The following PEAK1 variants were observed in gnomAD, a reference collection of about 807,000 sequenced individuals.
PEAK1 encodes the protein inactive tyrosine-protein kinase PEAK1.
A neutral mutation model predicts 124.7 loss-of-function variants in PEAK1; 54 were observed. That is an observed-to-expected ratio of 0.43 (90% CI 0.35 to 0.54). The LOEUF (loss-of-function observed/expected upper bound fraction) is 0.54, where lower values mean the gene tolerates loss of function less well. Ranked by LOEUF, PEAK1 falls within the 20% of genes least tolerant of loss-of-function variation. The pLI is 0.01. For missense variants in PEAK1, 2,046 were observed against 2,134.5 expected (o/e 0.96, Z 0.82); for synonymous variants, 719 against 760.0 (o/e 0.95, Z 0.89).
Position 77,233,770 on chromosome 15 carries a change from T to C in PEAK1, c.-115+18597A>G, listed in dbSNP as rs144621352. On this transcript the variant is annotated intron_variant, in intron 6 of 9. Transcript: ENST00000682557. ...AACAGTTCCTTCTTATAATTATTAA[T>C]TCAGAGTTTTTACCATTCCTTATTA... Among the ~76,000 whole-genome samples, 1,034 of 152,362 alleles carry C rather than the reference T, an allele frequency of 6.8e-3. 4 individuals carry two copies. The highest frequency in any genetic ancestry group is 0.011 in the Non-Finnish European group (718 of 68,022).
At chr15:77,359,573 A>G (rs2067749657) in intron 2 of PEAK1, among the ~76,000 whole-genome samples, 1 of 152,206 alleles carries the variant, frequency 6.6e-6, no homozygotes, top group Non-Finnish European at 1.5e-5. Flanking sequence ...TAATCTATAA[A>G]CAACTATTAC....
At chr15:77,256,667 A>C (rs1176969577) in intron 5 of PEAK1, among the ~76,000 whole-genome samples, 1 of 150,420 alleles carries the variant, frequency 6.6e-6, no homozygotes, top group Non-Finnish European at 1.5e-5. Context: ...CATAAATAAA[A>C]TTTTATCAGA....
At chr15:77,323,919 C>A (rs565630740) in intron 2 of PEAK1, among the ~76,000 whole-genome samples, 1 of 152,188 alleles carries the variant, frequency 6.6e-6, no homozygotes, top group Non-Finnish European at 1.5e-5. Flanking sequence ...CAATATGGTA[C>A]TGGTACCAAA....
At chr15:77,228,224 T>C (rs2059763236) in intron 6 of PEAK1, among the ~76,000 whole-genome samples, 1 of 152,154 alleles carries the variant, frequency 6.6e-6, no homozygotes, top group African/African-American at 2.4e-5. Context: ...CATTAACTCA[T>C]CATTTAGTTA....
chr15:77,313,646 G>GTA (rs1310220330), intron 2 of PEAK1, among the ~76,000 whole-genome samples: 1 of 107,772 alleles, frequency 9.3e-6, no homozygotes, highest in Non-Finnish European at 1.8e-5. Flanking sequence ...ATGTATGTAT[G>GTA]TATGTATGTG....
At chr15:77,317,458 T>A (rs751069036) in intron 2 of PEAK1, among the ~76,000 whole-genome samples, 4 of 152,314 alleles carry the variant, frequency 2.6e-5, no homozygotes, top group South Asian at 2.1e-4. Flanking sequence ...CACATTTATT[T>A]TTGTTTGACA....
intron 2 of PEAK1, chr15:77,348,323 C>T (rs564918663): frequency 2.3e-6 from 2 of 877,358 alleles, no homozygotes; most frequent in Non-Finnish European, 2.7e-6. Context: ...CCTACTCTTA[C>T]AAGATTGATA....
intron 2 of PEAK1, among the ~76,000 whole-genome samples, chr15:77,307,562 T>C (rs187604872): frequency 1.3e-5 from 2 of 152,196 alleles, no homozygotes; most frequent in African/African-American, 2.4e-5. Context: ...AGTTTATTTA[T>C]AAAAACCACT....
chr15:77,260,774 G>C (rs962874934), intron 5 of PEAK1, among the ~76,000 whole-genome samples: 1 of 152,190 alleles, frequency 6.6e-6, no homozygotes, highest in African/African-American at 2.4e-5. Context: ...GAAGAGAGTA[G>C]TGGTTCTCCC....
intron 2 of PEAK1, among the ~76,000 whole-genome samples, chr15:77,344,605 T>C (rs762494229): frequency 2.6e-5 from 4 of 152,232 alleles, no homozygotes; most frequent in Non-Finnish European, 2.9e-5. Context: ...AAAGAAGTCA[T>C]TGGGATTTTG....
In PEAK1 at chr15:77,115,264, C is replaced by T. The variant is rs559382048; in HGVS notation, c.4133G>A (p.Arg1378Gln). The change falls in exon 10 of 10, where the codon CGG becomes CAG. Residue 1378 changes from arginine to glutamine, a missense_variant. By Grantham distance (43) the Arg-to-Gln change is conservative. Coordinates refer to ENST00000682557, the MANE Select transcript of PEAK1 (RefSeq NM_001385026.1). ...SQQYYHSLAVRQSLAVHFNIQ... is the reference protein window; with the variant it reads ...SQQYYHSLAVQQSLAVHFNIQ... ...GTTAAAATGGACAGCCAGACTCTGC[C>T]GGACAGCCAAGCTGTGATAATACTG... 1.2e-5 allele frequency: 19 copies of T among 1,614,132 alleles called. No homozygotes were observed. Among genetic ancestry groups the T allele is most frequent in the South Asian group, 8.8e-5 (8 of 91,082 alleles).
chr15:77,402,580 T>G, intron 1 of PEAK1: 1 of 979,002 alleles, frequency 1.0e-6, no homozygotes, highest in Non-Finnish European at 1.2e-6. Flanking sequence ...CATCAAATAA[T>G]GAAAGATATG....
At chr15:77,228,037 T>G (rs2059753464) in intron 6 of PEAK1, among the ~76,000 whole-genome samples, 1 of 152,024 alleles carries the variant, frequency 6.6e-6, no homozygotes, top group African/African-American at 2.4e-5. Flanking sequence ...TACATATATA[T>G]TTTATCTATT....
chr15:77,267,856 A>T (rs576716261), intron 5 of PEAK1, among the ~76,000 whole-genome samples: 1 of 152,330 alleles, frequency 6.6e-6, no homozygotes, highest in East Asian at 1.9e-4. Context: ...GATCCGAACC[A>T]GGAAAAAAAA....
chr15:77,381,536 A>G, intron 1 of PEAK1: 1 of 870,162 alleles, frequency 1.1e-6, no homozygotes, highest in Non-Finnish European at 1.4e-6. Context: ...TTACAGATTC[A>G]ATTCATTGAG....
chr15:77,402,456 T>C (rs1006804261), intron 1 of PEAK1: 11 of 984,594 alleles, frequency 1.1e-5, no homozygotes, highest in Non-Finnish European at 8.4e-6. Flanking sequence ...GCATATCTTT[T>C]AGTAATGTGC....
intron 6 of PEAK1, among the ~76,000 whole-genome samples, chr15:77,225,528 C>T (rs1057421809): frequency 2.0e-5 from 3 of 151,026 alleles, no homozygotes; most frequent in Non-Finnish European, 4.4e-5. Flanking sequence ...TCCTCATCTG[C>T]TGCAGTTTCT....
chr15:77,420,886 C>G (rs532926277), upstream of PEAK1: 15 of 398,540 alleles, frequency 3.8e-5, no homozygotes, highest in African/African-American at 2.5e-4. Flanking sequence ...GAATTTTTGT[C>G]CAGCTGTGAG....
At chr15:77,332,826 T>A (rs1431323155) in intron 2 of PEAK1, among the ~76,000 whole-genome samples, 1 of 152,104 alleles carries the variant, frequency 6.6e-6, no homozygotes, top group African/African-American at 2.4e-5. Context: ...CCCACATTTA[T>A]CAGTAGATTT....
Sources: gnomAD v4.1 joint callset for allele counts (sites outside exome capture counted in the v4.1 genomes callset) on GRCh38, gnomAD v4.1.1 for gene constraint, MANE v1.5 for transcripts, NCBI Gene and HGNC (gene_info 2026-07-23, HGNC 2026-07-21) for gene names.